The following TBC1D5 variants were observed in gnomAD, a reference collection of about 807,000 sequenced individuals.
The protein encoded by TBC1D5 is TBC1 domain family member 5, also known as TBC1 domain family, member 5.
In TBC1D5, 75 loss-of-function variants were observed where a neutral mutation model predicts 100.3. The ratio of observed to expected loss-of-function variants is 0.75; its 90% CI spans 0.62 to 0.91. The LOEUF (loss-of-function observed/expected upper bound fraction) is 0.91. Among genes scored for constraint, TBC1D5 ranks in the 40% least tolerant of loss-of-function variants. The probability of loss-of-function intolerance (pLI) is 0.00; values close to 1 mark genes in which losing one functional copy is unlikely to be tolerated. For missense variants in TBC1D5, 910 were observed against 942.4 expected, an observed-to-expected ratio of 0.97 and a Z score of 0.45; for synonymous variants, 323 against 325.6, an observed-to-expected ratio of 0.99 and a Z score of 0.09.
intron 1 of TBC1D5, among the ~76,000 whole-genome samples, chr3:17,645,345 T>C (rs558184684): frequency 6.6e-6 from 1 of 152,124 alleles, no homozygotes; most frequent in Admixed American, 6.6e-5. Flanking sequence ...GTTATAATTA[T>C]AGCTGGGAAC....
At chr3:17,563,306 C>T (rs760058915) in intron 2 of TBC1D5, among the ~76,000 whole-genome samples, 5 of 152,106 alleles carry the variant, frequency 3.3e-5, no homozygotes, top group Non-Finnish European at 5.9e-5. Flanking sequence ...ATAACAATAG[C>T]CTAGGCTGGA....
At chr3:17,383,301 A>G (rs1264565041) in intron 9 of TBC1D5, among the ~76,000 whole-genome samples, 1 of 151,878 alleles carries the variant, frequency 6.6e-6, no homozygotes, top group South Asian at 2.1e-4. Context: ...AAAAATACCC[A>G]AGTGTGTGTA....
exon 13 of TBC1D5, chr3:17,372,162 T>C (rs771239685): frequency 4.3e-6 from 7 of 1,613,790 alleles, no homozygotes; most frequent in African/African-American, 1.3e-5. Context: ...ATCCTGGATC[T>C]GGTTGACTTT....
intron 2 of TBC1D5, among the ~76,000 whole-genome samples, chr3:17,510,881 T>TAG (rs999117273): frequency 6.6e-6 from 1 of 151,934 alleles, no homozygotes; most frequent in African/African-American, 2.4e-5. Context: ...GAAACTGAGG[T>TAG]AGAGAGAGAG....
chr3:17,175,857 T>C (rs1390584916), intron 19 of TBC1D5, among the ~76,000 whole-genome samples: 1 of 152,216 alleles, frequency 6.6e-6, no homozygotes, highest in Non-Finnish European at 1.5e-5. Flanking sequence ...TCCAAGGCAA[T>C]GAACATCAGC....
intron 13 of TBC1D5, among the ~76,000 whole-genome samples, chr3:17,335,575 T>C (rs544852785): frequency 1.6e-3 from 239 of 152,290 alleles, no homozygotes; most frequent in Non-Finnish European, 2.8e-3. Context: ...ACAAAAAGTA[T>C]CATTAATACC....
chr3:17,590,113 C>T (rs1378262788), intron 2 of TBC1D5, among the ~76,000 whole-genome samples: 1 of 152,156 alleles, frequency 6.6e-6, no homozygotes, highest in Non-Finnish European at 1.5e-5. Flanking sequence ...AAAGTCCCAG[C>T]GGGCCCCAGA....
intron 21 of TBC1D5, 54 bp from the exon 23 acceptor site, chr3:17,161,310 C>G: frequency 6.5e-7 from 1 of 1,548,420 alleles, no homozygotes; most frequent in Non-Finnish European, 8.7e-7. Context: ...TGGCAAAGAA[C>G]TGAGTGGAAG....
intron 16 of TBC1D5, among the ~76,000 whole-genome samples, chr3:17,245,783 C>CTATTTGAATTAT (rs1559481181): frequency 6.6e-6 from 1 of 152,066 alleles, no homozygotes; most frequent in African/African-American, 2.4e-5. Context: ...TAGTTTTGAA[C>CTATTTGAATTAT]TATTTGAATT....
At chr3:17,686,890 G>C (rs750125816) in intron 1 of TBC1D5, among the ~76,000 whole-genome samples, 2 of 151,998 alleles carry the variant, frequency 1.3e-5, no homozygotes, top group Non-Finnish European at 2.9e-5. Context: ...CCTACAACAA[G>C]GAATTATCTA....
chr3:17,506,960 G>A (rs897823701), intron 3 of TBC1D5, among the ~76,000 whole-genome samples: 1 of 152,178 alleles, frequency 6.6e-6, no homozygotes, highest in Non-Finnish European at 1.5e-5. Context: ...AGCTTGCAGT[G>A]AGCCGAGATT....
chr3:17,306,811 A>G (rs2083450940), intron 14 of TBC1D5, among the ~76,000 whole-genome samples: 1 of 152,060 alleles, frequency 6.6e-6, no homozygotes, highest in African/African-American at 2.4e-5. Flanking sequence ...TACAACTTAG[A>G]GGTTAGTATT....
chr3:17,690,235 G>C (rs1368426142), intron 1 of TBC1D5, among the ~76,000 whole-genome samples: 1 of 872 alleles, frequency 1.1e-3, no homozygotes, highest in Non-Finnish European at 2.6e-3. Flanking sequence ...TTTTTTTTTT[G>C]AGACGGAGTC....
At position 17,390,843 on chromosome 3, in the gene TBC1D5, T is replaced by C. The variant is rs147928645; in HGVS notation, c.510-6828A>G. Among the ~76,000 whole-genome samples the C allele has an allele frequency of 4.0e-4, 61 of 152,228 alleles. No individual in the cohort carries two copies. The Middle Eastern group carries it at 0.01, about 25-fold the overall frequency. The stretch of plus-strand genomic sequence containing the variant: ...ACAGACATACTGAAAGACACAATTC[T>C]TTTTCTTCCTGTGTTCCCTATTTTG... On this transcript the variant is annotated intron_variant, in intron 8 of 21. Coordinates refer to ENST00000253692, the Ensembl canonical transcript of TBC1D5.
intron 18 of TBC1D5, among the ~76,000 whole-genome samples, chr3:17,196,749 TA>T (rs1347724484): frequency 6.6e-6 from 1 of 152,216 alleles, no homozygotes; most frequent in Non-Finnish European, 1.5e-5. Context: ...ACAAGAAAAT[TA>T]TGTAGAGTGT....
At chr3:17,687,031 T>C (rs937229181) in intron 1 of TBC1D5, among the ~76,000 whole-genome samples, 4 of 152,102 alleles carry the variant, frequency 2.6e-5, no homozygotes, top group Non-Finnish European at 4.4e-5. Flanking sequence ...ATATGTATAG[T>C]GAAATATCCT....
At chr3:17,430,861 A>G (rs1321818265) in intron 3 of TBC1D5, among the ~76,000 whole-genome samples, 3 of 151,922 alleles carry the variant, frequency 2.0e-5, no homozygotes, top group Non-Finnish European at 3.0e-5. Context: ...TACATCCTGT[A>G]GAGATTTTCC....
chr3:17,556,151 A>G lies in TBC1D5; in HGVS notation c.-35-47546T>C, dbSNP rs528163259. Among the ~76,000 whole-genome samples, 68 of 152,058 alleles carry G rather than the reference A, an allele frequency of 4.5e-4. 1 individual carries two copies. Among genetic ancestry groups the G allele is most frequent in the Non-Finnish European group, 8.2e-4 (56 of 67,988 alleles). On this transcript the variant is annotated intron_variant, in intron 2 of 21. Coordinates refer to ENST00000253692, the Ensembl canonical transcript of TBC1D5. ...TGCCTCAGTGTCCCAAGTAGCTGGG[A>G]CTACAGGTATGTACCACCACACCTG...
intron 1 of TBC1D5, among the ~76,000 whole-genome samples, chr3:17,636,305 G>A (rs533145404): frequency 2.0e-5 from 3 of 152,222 alleles, no homozygotes; most frequent in Admixed American, 6.5e-5. Context: ...CTGATCCTGT[G>A]ACTCCCCTAT....
Sources: allele counts gnomAD v4.1 joint callset (sites outside exome capture counted in the v4.1 genomes callset), GRCh38; gene constraint gnomAD v4.1.1; transcripts MANE v1.5; gene names NCBI Gene and HGNC (gene_info 2026-07-23, HGNC 2026-07-21).